ATP9B: variants seen among roughly 807,000 people sequenced by gnomAD.
ATP9B encodes probable phospholipid-transporting ATPase IIB.
A neutral mutation model predicts 146.1 loss-of-function variants in ATP9B; 110 were observed. The ratio of observed to expected loss-of-function variants is 0.75; its 90% CI spans 0.65 to 0.88. The LOEUF (loss-of-function observed/expected upper bound fraction) is 0.88, where lower values mean the gene tolerates loss of function less well. ATP9B is among the 40% of genes least tolerant of loss of function. The pLI is 0.00. For synonymous variants in ATP9B, 604 were observed against 569.7 expected, an observed-to-expected ratio of 1.06 and a Z score of -0.86; for missense variants, 1,499 against 1,496.4, an observed-to-expected ratio of 1.00 and a Z score of -0.03.
chr18:79,305,939 A>G (rs1475670074), intron 14 of ATP9B, among the ~76,000 whole-genome samples: 1 of 152,224 alleles, frequency 6.6e-6, no homozygotes, highest in Non-Finnish European at 1.5e-5. Context: ...ATAATCTTTC[A>G]TGGAATTTGT....
chr18:79,209,565 G>A, intron 10 of ATP9B: 1 of 724,410 alleles, frequency 1.4e-6, no homozygotes, highest in Non-Finnish European at 1.7e-6. Context: ...GATGACCTTG[G>A]CAAGTGGGCC....
intron 1 of ATP9B, among the ~76,000 whole-genome samples, chr18:79,071,900 T>G (rs1276969037): frequency 6.7e-6 from 1 of 148,498 alleles, no homozygotes; most frequent in Non-Finnish European, 1.5e-5. Context: ...TTTTTTTTTT[T>G]TTTTTTGGTT....
chr18:79,290,023 C>T (rs568103072), intron 13 of ATP9B, among the ~76,000 whole-genome samples: 1 of 152,020 alleles, frequency 6.6e-6, no homozygotes, highest in Non-Finnish European at 1.5e-5. Context: ...TCTGCCCCTG[C>T]TTGGGGGGTG....
chr18:79,156,481 C>T (rs931632677), intron 7 of ATP9B, among the ~76,000 whole-genome samples: 1 of 152,214 alleles, frequency 6.6e-6, no homozygotes, highest in African/African-American at 2.4e-5. Context: ...GCCAAAGCTT[C>T]CGTCAGCCTG....
intron 26 of ATP9B, among the ~76,000 whole-genome samples, chr18:79,367,900 C>T (rs1416900645): frequency 1.3e-5 from 2 of 152,368 alleles, no homozygotes; most frequent in South Asian, 2.1e-4. Context: ...GAGACAGAGG[C>T]GCTGGCCAGA....
intron 11 of ATP9B, among the ~76,000 whole-genome samples, chr18:79,240,846 G>T (rs1013168952): frequency 2.0e-5 from 3 of 152,348 alleles, no homozygotes; most frequent in African/African-American, 7.2e-5. Context: ...GGGAACCTTG[G>T]CATTTGGCAG....
intron 8 of ATP9B, among the ~76,000 whole-genome samples, chr18:79,178,333 G>C (rs1442928285): frequency 6.6e-6 from 1 of 152,144 alleles, no homozygotes; most frequent in Non-Finnish European, 1.5e-5. Flanking sequence ...TCATTCTGAC[G>C]GGTGTGCAGT....
chr18:79,102,303 C>T (rs1333441996), intron 2 of ATP9B, among the ~76,000 whole-genome samples: 3 of 152,194 alleles, frequency 2.0e-5, no homozygotes, highest in African/African-American at 4.8e-5. Flanking sequence ...TTTCACAGAA[C>T]TCTTTGTTGA....
At chr18:79,131,294 G>A (rs2094374159) in intron 5 of ATP9B, among the ~76,000 whole-genome samples, 1 of 152,184 alleles carries the variant, frequency 6.6e-6, no homozygotes, top group Admixed American at 6.5e-5. Flanking sequence ...CCAGTATCCA[G>A]GATACATAAA....
chr18:79,114,372 G>T (rs981621745), intron 4 of ATP9B, among the ~76,000 whole-genome samples: 23 of 152,128 alleles, frequency 1.5e-4, no homozygotes, highest in African/African-American at 4.8e-4. Flanking sequence ...GCAGTCCTCG[G>T]GGTTCCACAT....
intron 29 of ATP9B, chr18:79,375,690 CCTAAAA>C: frequency 1.0e-6 from 1 of 985,284 alleles, no homozygotes; most frequent in South Asian, 4.7e-5. Flanking sequence ...TGCATGAGCC[CCTAAAA>C]CATATTTGCC....
chr18:79,101,152 TCAC>T (rs954637153), intron 2 of ATP9B, among the ~76,000 whole-genome samples: 3 of 151,956 alleles, frequency 2.0e-5, no homozygotes, highest in African/African-American at 4.8e-5. Context: ...GATTTTGTAA[TCAC>T]CACTGCAGCC....
At chr18:79,335,618 T>C (rs925811035) in intron 17 of ATP9B, among the ~76,000 whole-genome samples, 4 of 152,190 alleles carry the variant, frequency 2.6e-5, no homozygotes, top group Non-Finnish European at 5.9e-5. Flanking sequence ...GGGTGAGGCT[T>C]GTGAGCTTTG....
intron 4 of ATP9B, among the ~76,000 whole-genome samples, chr18:79,124,379 G>C (rs574235): frequency 0.13 from 20,547 of 152,278 alleles, 1,472 homozygotes; most frequent in East Asian, 0.2. Flanking sequence ...AAAGAATACA[G>C]TGTGTGCTAA....
chr18:79,348,237 A>G (rs1600247993), intron 25 of ATP9B, 41 bp downstream of exon 25: 1 of 903,288 alleles, frequency 1.1e-6, no homozygotes, highest in Non-Finnish European at 1.7e-6. Context: ...CCAGGGGAGG[A>G]CTTCTATTTT....
At chr18:79,369,396 G>A (rs1310807545) in intron 26 of ATP9B, among the ~76,000 whole-genome samples, 6 of 152,128 alleles carry the variant, frequency 3.9e-5, no homozygotes, top group African/African-American at 1.4e-4. Flanking sequence ...AGCTGGGTGT[G>A]GTGGCGGGCG....
At chr18:79,262,327 T>C (rs1460759758) in intron 12 of ATP9B, among the ~76,000 whole-genome samples, 1 of 152,214 alleles carries the variant, frequency 6.6e-6, no homozygotes, top group Admixed American at 6.5e-5. Flanking sequence ...CGTTTTTAGT[T>C]ACTGAGCATG....
Position 79,193,292 on chromosome 18 carries a change from TAG to T in ATP9B, c.954+32_954+33del, listed in dbSNP as rs781483841. Reference sequence around the variant, plus strand: ...AGTTAAACCTGTTGTTCAATACAAATAGAGTTATTGTGTAAGTTAAAAGTAGC... The same window carrying T: ...AGTTAAACCTGTTGTTCAATACAAATAGTTATTGTGTAAGTTAAAAGTAGC... On this transcript the variant is annotated intron_variant, in intron 9 of 29. Coordinates refer to ENST00000426216, the MANE Select transcript of ATP9B (RefSeq NM_198531.5). 7 of 1,520,204 alleles carry T rather than the reference TAG, an allele frequency of 4.6e-6. No homozygotes were observed. The South Asian group carries it at 8.0e-5, about 17-fold the overall frequency. The allele number at this position is 1,520,204 out of a possible 1,614,324, so 94.2% of individuals were successfully genotyped here.
At chr18:79,262,995 CAAA>C (rs1372875760) in intron 12 of ATP9B, among the ~76,000 whole-genome samples, 2 of 152,136 alleles carry the variant, frequency 1.3e-5, no homozygotes, top group Non-Finnish European at 1.5e-5. Flanking sequence ...TTTAATCTAT[CAAA>C]AAAGTTATTA....
Sources: allele counts gnomAD v4.1 joint callset (sites outside exome capture counted in the v4.1 genomes callset), GRCh38; gene constraint gnomAD v4.1.1; transcripts MANE v1.5; gene names NCBI Gene and HGNC (gene_info 2026-07-23, HGNC 2026-07-21).